The following SFXN5 variants were observed in gnomAD, a reference collection of about 807,000 sequenced individuals.
SFXN5 encodes the protein sideroflexin-5.
A neutral mutation model predicts 50.2 loss-of-function variants in SFXN5; 43 were observed. The observed-to-expected ratio is 0.86, with a 90% confidence interval of 0.67 to 1.11. SFXN5 has a LOEUF of 1.11. SFXN5 is among the 50% of genes least tolerant of loss of function. The probability of loss-of-function intolerance (pLI) is 0.00; values close to 1 mark genes in which losing one functional copy is unlikely to be tolerated. For missense variants in SFXN5, 463 were observed against 454.1 expected (o/e 1.02, Z -0.18); for synonymous variants, 203 against 185.8 (o/e 1.09, Z -0.75).
chr2:72,989,754 C>G (rs1672351893), intron 9 of SFXN5, among the ~76,000 whole-genome samples: 1 of 152,138 alleles, frequency 6.6e-6, no homozygotes, highest in Non-Finnish European at 1.5e-5. Context: ...AAGTGCAGGC[C>G]TGGAGAGAGA....
intron 6 of SFXN5, among the ~76,000 whole-genome samples, chr2:73,002,676 A>AACAC (rs140692532): frequency 1.1e-4 from 16 of 151,920 alleles, no homozygotes; most frequent in African/African-American, 3.9e-4. Context: ...TAAAACAGCT[A>AACAC]ACACACACAC....
At chr2:72,977,570 C>T (rs1670771633) in intron 10 of SFXN5, among the ~76,000 whole-genome samples, 1 of 152,180 alleles carries the variant, frequency 6.6e-6, no homozygotes. Context: ...GGTTTACAAA[C>T]AGCTATTCCC....
rs538215911 is a variant in SFXN5, at chr2:72,960,027, C to T, written c.945+1104G>A. Among the ~76,000 whole-genome samples the T allele has an allele frequency of 2.0e-5, 3 of 152,038 alleles. No individual in the cohort carries two copies. Among genetic ancestry groups the T allele is most frequent in the Admixed American group, 1.3e-4 (2 of 15,264 alleles). ...GTCTGACCCTGTGGATGCCCCCCACCCACCCTGATCACACATGGCCCGGAT... is the reference window on the plus strand; with the variant it reads ...GTCTGACCCTGTGGATGCCCCCCACTCACCCTGATCACACATGGCCCGGAT... On this transcript the variant is annotated intron_variant, in intron 13 of 13. Coordinates refer to ENST00000272433, the MANE Select transcript of SFXN5 (RefSeq NM_144579.3). This position sits in a 1 kb window ranked among gnomAD's most constrained non-coding sequence, Gnocchi z 6.1.
chr2:73,014,356 C>A (rs959447247), intron 6 of SFXN5, among the ~76,000 whole-genome samples: 1 of 152,126 alleles, frequency 6.6e-6, no homozygotes, highest in African/African-American at 2.4e-5. Flanking sequence ...GTAATGCCAC[C>A]TTAGTCAAAT....
At chr2:73,037,092 C>T (rs1212604737) in intron 3 of SFXN5, among the ~76,000 whole-genome samples, 2 of 152,230 alleles carry the variant, frequency 1.3e-5, no homozygotes, top group African/African-American at 4.8e-5. Context: ...CTAGCACATT[C>T]GCCCATTCCC....
intron 3 of SFXN5, among the ~76,000 whole-genome samples, chr2:73,036,931 C>T (rs1679055860): frequency 6.6e-6 from 1 of 152,234 alleles, no homozygotes. Flanking sequence ...CTGCCCATGA[C>T]TCAGCACGCA....
intron 9 of SFXN5, among the ~76,000 whole-genome samples, chr2:72,991,221 G>T (rs1672559129): frequency 6.6e-6 from 1 of 152,218 alleles, no homozygotes; most frequent in Admixed American, 6.5e-5. Context: ...GCTAGGCCTG[G>T]CACAGCCCAG....
At chr2:73,055,703 G>A (rs563305258) in intron 2 of SFXN5, among the ~76,000 whole-genome samples, 2 of 149,690 alleles carry the variant, frequency 1.3e-5, no homozygotes, top group African/African-American at 4.9e-5. Context: ...TGCAAGCTCC[G>A]CCTCCCAAGT....
In SFXN5 at chr2:73,058,432, C is replaced by T; in HGVS notation, c.171+96G>A. On this transcript the variant is annotated intron_variant, in intron 2 of 13. Transcript: ENST00000272433. ...CACCTCTCACCTCCCCTATTCTCTT[C>T]ACTCCCCCATCCTCACCCTCCCTTA... 8 of 1,184,060 alleles carry T rather than the reference C, an allele frequency of 6.8e-6. No homozygotes were observed. The South Asian group carries it at 7.5e-5, about 11-fold the overall frequency. The allele number at this position is 1,184,060 out of a possible 1,614,324, so 73.3% of individuals were successfully genotyped here. A position where few individuals can be genotyped will look rare whatever the true frequency, so the allele number is the denominator to read the frequency against.
intron 6 of SFXN5, among the ~76,000 whole-genome samples, chr2:73,003,127 C>A (rs373495497): frequency 6.6e-6 from 1 of 151,666 alleles, no homozygotes; most frequent in Non-Finnish European, 1.5e-5. Context: ...GGGAGCTGAG[C>A]CTAGCGGGGG....
chr2:72,981,785 CAT>C, intron 10 of SFXN5, among the ~76,000 whole-genome samples: 1 of 152,354 alleles, frequency 6.6e-6, no homozygotes, highest in South Asian at 2.1e-4. Context: ...ACCACGCCCA[CAT>C]ATTCCTTTGA....
In SFXN5 at chr2:72,945,042, C is replaced by T. The variant is rs1671777997; in HGVS notation, c.1003G>A (p.Val335Met). The T allele has an allele frequency of 1.2e-6, 2 of 1,613,894 alleles. No homozygotes were observed. The highest frequency in any genetic ancestry group is 2.2e-5 in the South Asian group (2 of 91,052). Reference sequence around the variant, plus strand: ...CACACTCACAACCCCTTGTTGTACACCACTGTCCGGCTGCTCGTGGCCTGG... The same window carrying T: ...CACACTCACAACCCCTTGTTGTACATCACTGTCCGGCTGCTCGTGGCCTGG... ...IAQATSSRTV[V>M]YNKGL The change falls in exon 14 of 14, where the codon GTG becomes ATG. Residue 335 changes from valine to methionine, a missense_variant. Val to Met is a conservative substitution (Grantham distance 21). Transcript: ENST00000272433. The surrounding 1 kb of genome is among the most constrained non-coding windows in gnomAD (Gnocchi z 5.8).
In SFXN5 at chr2:73,057,155, A is replaced by T. The variant is rs539704013; in HGVS notation, c.171+1373T>A. Among the ~76,000 whole-genome samples the T allele has an allele frequency of 2.8e-3, 428 of 151,914 alleles. 2 individuals carry two copies. Among genetic ancestry groups the T allele is most frequent in the African/African-American group, 9.4e-3 (390 of 41,442 alleles). ...TGAATCCCAAAAGCATTTTTTTTTT[A>T]AAAGATAGGGTCTCACTCTGTTACT... On this transcript the variant is annotated intron_variant, in intron 2 of 13. Transcript: ENST00000272433.
At chr2:72,970,719 G>T (rs539818314) in intron 11 of SFXN5, among the ~76,000 whole-genome samples, 1 of 151,414 alleles carries the variant, frequency 6.6e-6, no homozygotes, top group African/African-American at 2.4e-5. Context: ...ACGGAGTTTC[G>T]CTGTTTCACC....
At chr2:72,948,099 G>A (rs183314214) in intron 13 of SFXN5, among the ~76,000 whole-genome samples, 18 of 152,264 alleles carry the variant, frequency 1.2e-4, no homozygotes, top group East Asian at 5.8e-4. Context: ...ATAACCCTTC[G>A]GGAAAGCTGT....
chr2:72,964,795 C>A (rs1376325412), intron 12 of SFXN5, among the ~76,000 whole-genome samples: 1 of 152,238 alleles, frequency 6.6e-6, no homozygotes, highest in Non-Finnish European at 1.5e-5. Flanking sequence ...AAACTCTGAC[C>A]TCTCATCACC....
rs1455337091 is a variant in SFXN5, at chr2:72,942,847, G to C, written c.*2175C>G. On this transcript the variant is annotated 3_prime_UTR_variant, in exon 14 of 14. Coordinates refer to ENST00000272433, the MANE Select transcript of SFXN5 (RefSeq NM_144579.3). ...GGCCAGGGCACCAGGCCTCTGGCAG[G>C]GGGAGGGCGGGAAGGGGTGGGTAGG... 6.6e-6 allele frequency: 1 copy of C among 152,268 alleles called. No homozygotes were observed. 9.4% of individuals were successfully genotyped at this position (152,268 alleles called of 1,614,324 possible). A position where few individuals can be genotyped will look rare whatever the true frequency, so the allele number is the denominator to read the frequency against.
chr2:73,011,594 AT>A (rs1446235232), intron 6 of SFXN5, among the ~76,000 whole-genome samples: 1 of 152,200 alleles, frequency 6.6e-6, no homozygotes, highest in East Asian at 1.9e-4. Context: ...CCATGGAAGA[AT>A]GGACAAAGAG....
rs779638394 is a variant in SFXN5, at chr2:73,020,276, A to C, written c.332-12T>G. The C allele has an allele frequency of 1.2e-6, 2 of 1,613,952 alleles. No homozygotes were observed. The highest frequency in any genetic ancestry group is 2.7e-5 in the African/African-American group (2 of 74,940). On this transcript the variant is annotated splice_polypyrimidine_tract_variant and intron_variant, in intron 5 of 13. Transcript: ENST00000272433. ...AAAAGGAATATAACCTGTGAACGAG[A>C]AGAAAAGAGTCAGGCCTTATAATCC...
Sources: gnomAD v4.1 joint callset for allele counts (sites outside exome capture counted in the v4.1 genomes callset) on GRCh38, gnomAD v4.1.1 for gene constraint, Gnocchi (gnomAD v3.1) non-coding constraint, MANE v1.5 for transcripts, NCBI Gene and HGNC (gene_info 2026-07-23, HGNC 2026-07-21) for gene names.